The following SCN11A variants were observed in gnomAD, a reference collection of about 807,000 sequenced individuals.
SCN11A encodes sodium channel protein type 11 subunit alpha.
Under a neutral mutation model 162.2 loss-of-function variants are expected in SCN11A, and 122 were observed. The observed-to-expected ratio is 0.75, with a 90% CI of 0.65 to 0.87. The LOEUF is 0.87. Among genes scored for constraint, SCN11A ranks in the 40% least tolerant of loss-of-function variants. The pLI, the probability that SCN11A is intolerant of heterozygous loss-of-function variation, is 0.00. For missense variants in SCN11A, 2,015 were observed against 2,181.6 expected (o/e 0.92, Z 1.52); for synonymous variants, 758 against 751.5 (o/e 1.01, Z -0.14).
At chr3:38,930,556 G>A (rs2066224891) in intron 7 of SCN11A, among the ~76,000 whole-genome samples, 1 of 152,132 alleles carries the variant, frequency 6.6e-6, no homozygotes, top group Non-Finnish European at 1.5e-5. Flanking sequence ...AGATTTGTGG[G>A]ATTTTTCAAG....
At position 38,905,345 on chromosome 3, in the gene SCN11A, C is replaced by T. The variant is rs771831110; in HGVS notation, c.1474-24G>A. ...GGCTGTAAGAGAAGGCATAGGGCAC[C>T]TTCTAAAGACAGGGGCTGCCTCTCC... On this transcript the variant is annotated intron_variant, in intron 14 of 29. Transcript: ENST00000302328. The T allele has an allele frequency of 3.7e-6, 6 of 1,602,828 alleles. No homozygotes were observed. The South Asian group carries it at 6.7e-5, about 18-fold the overall frequency.
chr3:39,015,289 G>A (rs2031260107), intron 2 of SCN11A, among the ~76,000 whole-genome samples: 1 of 152,088 alleles, frequency 6.6e-6, no homozygotes, highest in South Asian at 2.1e-4. Context: ...CTTGATCTTG[G>A]ACTTTTCAGC....
chr3:38,898,912 G>A (rs574770663), intron 17 of SCN11A, among the ~76,000 whole-genome samples: 2 of 152,184 alleles, frequency 1.3e-5, no homozygotes, highest in South Asian at 4.1e-4. Context: ...GAGCCTGGCT[G>A]TAATAAGCCT....
At chr3:38,906,807 T>A (rs772462718) in intron 14 of SCN11A, among the ~76,000 whole-genome samples, 57 of 152,112 alleles carry the variant, frequency 3.7e-4, no homozygotes, top group Non-Finnish European at 7.2e-4. Context: ...TAGCCCTCAT[T>A]GAAAAGGGTA....
intron 7 of SCN11A, among the ~76,000 whole-genome samples, chr3:38,933,394 GAGA>G (rs2066276819): frequency 6.6e-6 from 1 of 152,226 alleles, no homozygotes; most frequent in African/African-American, 2.4e-5. Context: ...GACGAGTTGA[GAGA>G]AGAAGGCTTC....
intron 9 of SCN11A, 133 bp downstream of exon 9, chr3:38,925,282 T>G (rs1013293881): frequency 9.2e-6 from 6 of 654,094 alleles, no homozygotes; most frequent in Non-Finnish European, 1.6e-5. Context: ...TAATTATCAG[T>G]TGGACCATCA....
At position 38,900,037 on chromosome 3, in the gene SCN11A, T is replaced by A. The variant is rs1553638120; in HGVS notation, c.1879A>T (p.Lys627Ter). 1 of 1,614,002 alleles carries A rather than the reference T, an allele frequency of 6.2e-7. No homozygotes were observed. The highest frequency in any genetic ancestry group is 1.3e-5 in the African/African-American group (1 of 74,918). Reference sequence around the variant, plus strand: ...TGGTAGGGATCGAGCGCAATGATTTTTAGGCACATTTCTGCTATAAAAATG... The same window carrying A: ...TGGTAGGGATCGAGCGCAATGATTTATAGGCACATTTCTGCTATAAAAATG... ...TSIFIAEMCL[K>*]IIALDPYHYF... The change falls in exon 17 of 30, where the codon AAA (lysine) becomes TAA (stop). Residue 627 changes from lysine (K) to a stop codon, truncating the protein, a stop_gained. Transcript: ENST00000302328. LOFTEE classifies it high-confidence loss of function.
Position 38,846,738 on chromosome 3 carries a change from A to C in SCN11A, c.5332T>G (p.Leu1778Val). The change falls in exon 30 of 30, where the codon TTG becomes GTG. Residue 1778 changes from leucine to valine, a missense_variant. Leu to Val is a conservative substitution (Grantham distance 32). Transcript: ENST00000302328. ...CCCTTGGCCACCCCAAAGCTAGACAAGTCTCCATTGCAAAGAGTCTGGAGT... is the reference window on the plus strand; with the variant it reads ...CCCTTGGCCACCCCAAAGCTAGACACGTCTCCATTGCAAAGAGTCTGGAGT... The part of the protein sequence containing the change: ...SPLQTLCNGD[L>V]SSFGVAKGKV... 4 of 1,614,180 alleles carry C rather than the reference A, an allele frequency of 2.5e-6. No individual in the cohort carries two copies. In the South Asian group the frequency reaches 4.4e-5, roughly 18 times the overall value.
chr3:38,887,665 G>A (rs1317539011), intron 19 of SCN11A, among the ~76,000 whole-genome samples: 1 of 152,120 alleles, frequency 6.6e-6, no homozygotes, highest in Non-Finnish European at 1.5e-5. Context: ...AGTAGAATGG[G>A]TCTCTGCTCT....
Position 38,910,221 on chromosome 3 carries a change from A to G in SCN11A, c.960-14T>C. On this transcript the variant is annotated splice_polypyrimidine_tract_variant and intron_variant, in intron 11 of 29. Transcript: ENST00000302328. ...ATGGAACAGGCACTAGATATTGGAA[A>G]CAAACAGAGAAATAATTATGTACGC... 6.2e-7 allele frequency: 1 copy of G among 1,604,366 alleles called. No individual in the cohort carries two copies. The highest frequency in any genetic ancestry group is 1.1e-5 in the South Asian group (1 of 89,376).
chr3:38,964,418 C>G (rs1037107494), intron 2 of SCN11A, among the ~76,000 whole-genome samples: 21 of 152,176 alleles, frequency 1.4e-4, no homozygotes, highest in African/African-American at 5.1e-4. Context: ...AAAACAAGAC[C>G]TTAGGTCTTT....
intron 22 of SCN11A, among the ~76,000 whole-genome samples, chr3:38,880,823 T>C (rs187156501): frequency 6.6e-6 from 1 of 152,298 alleles, no homozygotes; most frequent in East Asian, 1.9e-4. Context: ...ATCCAAACAC[T>C]TCCCTCACGC....
At chr3:38,879,070 T>C (rs1352760524) in intron 23 of SCN11A, among the ~76,000 whole-genome samples, 1 of 152,048 alleles carries the variant, frequency 6.6e-6, no homozygotes, top group Non-Finnish European at 1.5e-5. Context: ...ATAAAATTAA[T>C]CTTAAAAAAA....
intron 1 of SCN11A, among the ~76,000 whole-genome samples, chr3:39,040,370 C>T (rs781409188): frequency 1.3e-5 from 2 of 152,152 alleles, no homozygotes; most frequent in Non-Finnish European, 2.9e-5. Context: ...GTCACAACTA[C>T]AGGAAAAAAG....
At chr3:38,997,323 T>A (rs191535416) in intron 2 of SCN11A, among the ~76,000 whole-genome samples, 1 of 152,376 alleles carries the variant, frequency 6.6e-6, no homozygotes, top group East Asian at 1.9e-4. Flanking sequence ...CTCTTAGGGT[T>A]CTGGCCCTGG....
rs75922776 is a variant in SCN11A, at chr3:38,896,248, C to T, written c.2403+597G>A. On this transcript the variant is annotated intron_variant, in intron 18 of 29. Transcript: ENST00000302328. ...TGGTCCAAACCCCTCTGGCTAGGCC[C>T]CAATACCTCATTGAAGTTAGGGGAA... Among the ~76,000 whole-genome samples, 786 of 152,240 alleles carry T rather than the reference C, an allele frequency of 5.2e-3. 5 individuals are homozygous for T. Among genetic ancestry groups the T allele is most frequent in the African/African-American group, 0.018 (751 of 41,534 alleles).
At chr3:38,867,621 T>G (rs528883708) in intron 26 of SCN11A, among the ~76,000 whole-genome samples, 163 bp from the exon 27 acceptor site, 1 of 152,160 alleles carries the variant, frequency 6.6e-6, no homozygotes, top group African/African-American at 2.4e-5. Flanking sequence ...GTCTTTCAGT[T>G]TTTGCAGCTC....
chr3:38,997,027 T>C (rs1244493714), intron 2 of SCN11A, among the ~76,000 whole-genome samples: 2 of 152,196 alleles, frequency 1.3e-5, no homozygotes, highest in African/African-American at 2.4e-5. Flanking sequence ...GCCTCCTAAC[T>C]AATCCCCCTG....
At position 38,879,936 on chromosome 3, in the gene SCN11A, G is replaced by A. The variant is rs375530837; in HGVS notation, c.3393+14C>T. The A allele has an allele frequency of 1.2e-6, 2 of 1,609,244 alleles. No individual in the cohort carries two copies. Among genetic ancestry groups the A allele is most frequent in the African/African-American group, 2.7e-5 (2 of 74,782 alleles). The stretch of plus-strand genomic sequence containing the variant: ...TACCCCAGCCTGTGTGGGACACAGA[G>A]ATGGTAAACTTACAATCACAATGAT... On this transcript the variant is annotated intron_variant, in intron 23 of 29. Coordinates refer to ENST00000302328, the MANE Select transcript of SCN11A (RefSeq NM_001349253.2).
Sources: gnomAD v4.1 joint callset for allele counts (sites outside exome capture counted in the v4.1 genomes callset) on GRCh38, gnomAD v4.1.1 for gene constraint, MANE v1.5 for transcripts, NCBI Gene and HGNC (gene_info 2026-07-23, HGNC 2026-07-21) for gene names.